Variants in LONP1 observed in about 807,000 individuals in gnomAD.
LONP1 encodes the protein lon protease homolog, mitochondrial.
Under a neutral mutation model 98.5 loss-of-function variants are expected in LONP1, and 31 were observed. That is an observed-to-expected ratio of 0.31 (90% CI 0.24 to 0.42). LONP1 has a LOEUF of 0.42. LONP1 is among the 20% of genes least tolerant of loss of function. LONP1 has a pLI of 1.00. For synonymous variants in LONP1, 781 were observed against 594.7 expected, an observed-to-expected ratio of 1.31 and a Z score of -4.56; for missense variants, 1,336 against 1,350.6, an observed-to-expected ratio of 0.99 and a Z score of 0.17.
chr19:5,695,966 G>A (rs2054919351), intron 13 of LONP1, 88 bp downstream of exon 13: 10 of 1,204,254 alleles, frequency 8.3e-6, no homozygotes, highest in Middle Eastern at 4.9e-4. Flanking sequence ...CCCGGGCCCA[G>A]GAGCTCCCAG....
At chr19:5,707,959 G>C in intron 5 of LONP1, 133 bp from the exon 6 acceptor site, 1 of 1,020,710 alleles carries the variant, frequency 9.8e-7, no homozygotes, top group Non-Finnish European at 1.4e-6. Flanking sequence ...TGCTCGCTGG[G>C]AGCCAGCTCT....
intron 8 of LONP1, 71 bp downstream of exon 8, chr19:5,705,701 C>T (rs1331819827): frequency 2.8e-6 from 4 of 1,454,420 alleles, no homozygotes; most frequent in Middle Eastern, 1.9e-4. Flanking sequence ...CGCTGGGTCC[C>T]CTGGCCTGCC....
intron 8 of LONP1, among the ~76,000 whole-genome samples, chr19:5,701,379 C>T (rs1019377739): frequency 7.2e-5 from 11 of 152,168 alleles, no homozygotes; most frequent in South Asian, 4.2e-4. Flanking sequence ...CCTCTGATGC[C>T]GAGCCGAGGC....
intron 8 of LONP1, among the ~76,000 whole-genome samples, chr19:5,701,825 C>A (rs2055050221): frequency 1.3e-5 from 2 of 151,838 alleles, no homozygotes; most frequent in African/African-American, 4.8e-5. Context: ...CTCTGCCTGG[C>A]TGCCCAGTCT....
intron 11 of LONP1, 83 bp from the exon 12 acceptor site, chr19:5,696,454 G>A (rs1156553247): frequency 1.3e-6 from 2 of 1,544,554 alleles, no homozygotes; most frequent in East Asian, 2.3e-5. Flanking sequence ...GTCAGGGCTG[G>A]GGAGACCCCG....
intron 8 of LONP1, 113 bp downstream of exon 8, chr19:5,705,659 C>G (rs963610219): frequency 2.4e-6 from 2 of 830,116 alleles, no homozygotes; most frequent in East Asian, 2.6e-5. Flanking sequence ...CAGCCCGCAC[C>G]TGCCACACCA....
chr19:5,692,943 G>A (rs901570690), intron 17 of LONP1, among the ~76,000 whole-genome samples: 24 of 152,116 alleles, frequency 1.6e-4, no homozygotes, highest in African/African-American at 5.3e-4. Context: ...ACCCTTGGAA[G>A]AGGCCAGCCC....
intron 11 of LONP1, 48 bp from the exon 12 acceptor site, chr19:5,696,419 G>A (rs1269581941): frequency 2.5e-6 from 4 of 1,597,586 alleles, no homozygotes; most frequent in South Asian, 2.2e-5. Flanking sequence ...CCCCTGGCCA[G>A]CCCGCCCAGT....
At chr19:5,699,298 T>G (rs984453559) in intron 9 of LONP1, 93 bp from the exon 10 acceptor site, 3 of 1,067,566 alleles carry the variant, frequency 2.8e-6, no homozygotes, top group African/African-American at 3.3e-5. Context: ...CTTTCAGACG[T>G]CTGAGGGCTG....
At position 5,714,310 on chromosome 19, in the gene LONP1, A is replaced by ATTTTTTTTTTT. The variant is rs769200423; in HGVS notation, c.430-40_430-39insAAAAAAAAAAA. ...GACCCCAAAGTGAAATGCAGAGTAG[A>ATTTTTTTTTTT]TTTTTTTTTTGAGACAGAGTCTCAT... is the stretch of plus-strand genomic sequence containing the variant. On this transcript the variant is annotated intron_variant, in intron 1 of 17. Transcript: ENST00000360614. 169 of 1,360,500 alleles carry ATTTTTTTTTTT rather than the reference A, an allele frequency of 1.2e-4. 1 individual carries two copies. The African/African-American group carries it at 1.7e-3, about 14-fold the overall frequency. 84.3% of individuals were successfully genotyped at this position (1,360,500 alleles called of 1,614,324 possible). A position where few individuals can be genotyped will look rare whatever the true frequency, so the allele number is the denominator to read the frequency against.
chr19:5,695,694 A>AT (rs1364390513), intron 13 of LONP1, among the ~76,000 whole-genome samples: 5 of 151,680 alleles, frequency 3.3e-5, no homozygotes, highest in Non-Finnish European at 2.9e-5. Context: ...TCCAAGCCTC[A>AT]TTCTGGGTGG....
intron 1 of LONP1, among the ~76,000 whole-genome samples, chr19:5,717,909 G>A (rs200488793): frequency 4.4e-3 from 184 of 42,186 alleles, no homozygotes; most frequent in African/African-American, 0.017. Flanking sequence ...TTTTTTTTTT[G>A]TAGAGACAGG....
rs896335677 is a variant in LONP1 at position 5,704,161 on chromosome 19, G to A, written c.1367+1611C>T. ...TGAGAGACTGACTGGAAGAGGCTGC[G>A]CTGTGGCTGTGAAGGAGGAAGGGGC... On this transcript the variant is annotated intron_variant, in intron 8 of 17. Coordinates refer to ENST00000360614, the MANE Select transcript of LONP1 (RefSeq NM_004793.4). 6.6e-5 allele frequency among the ~76,000 whole-genome samples: 10 copies of A among 152,306 alleles called. No homozygotes were observed. In the East Asian group the frequency reaches 7.7e-4, roughly 12 times the overall value.
At chr19:5,701,900 G>A (rs1481627548) in intron 8 of LONP1, among the ~76,000 whole-genome samples, 22 of 151,290 alleles carry the variant, frequency 1.5e-4, no homozygotes, top group South Asian at 4.2e-4. Flanking sequence ...CCTCTGCCCC[G>A]CCGCCCTGTC....
chr19:5,696,914 T>G (rs2054941901), intron 10 of LONP1, among the ~76,000 whole-genome samples, 157 bp from the exon 11 acceptor site: 1 of 152,178 alleles, frequency 6.6e-6, no homozygotes, highest in South Asian at 2.1e-4. Context: ...GCCGGATGTG[T>G]GGCACCTGCA....
At position 5,696,242 on chromosome 19, in the gene LONP1, C is replaced by T. The variant is rs2054926123; in HGVS notation, c.1896+7G>A. ...CAGCAAGCCCAGGCCCCAGACAGGC[C>T]CCCCACCTTGGACAAGTCCACGGGC... On this transcript the variant is annotated splice_region_variant and intron_variant, in intron 12 of 17. Transcript: ENST00000360614. The T allele has an allele frequency of 1.9e-6, 3 of 1,613,108 alleles. No individual in the cohort carries two copies. The highest frequency in any genetic ancestry group is 2.7e-5 in the African/African-American group (2 of 75,042).
Position 5,705,998 on chromosome 19 carries a change from G to A in LONP1, c.1147-6C>T. 6.2e-7 allele frequency: 1 copy of A among 1,606,788 alleles called. No individual in the cohort carries two copies. Among genetic ancestry groups the A allele is most frequent in the Non-Finnish European group, 8.5e-7 (1 of 1,176,356 alleles). On this transcript the variant is annotated splice_region_variant and splice_polypyrimidine_tract_variant and intron_variant, in intron 7 of 17. Coordinates refer to ENST00000360614, the MANE Select transcript of LONP1 (RefSeq NM_004793.4). The stretch of plus-strand genomic sequence containing the variant: ...TGCTTGATCTTCTCCTCCACCTGTG[G>A]GGTGAGGTGCTGCCATCAGGCCCTG...
rs777235917 is a variant in LONP1 at position 5,711,948 on chromosome 19, G to A, written c.693C>T (p.Asn231=). Residue 231 remains asparagine, a synonymous_variant, in exon 4 of 18, where the codon AAC becomes AAT. Coordinates refer to ENST00000360614, the MANE Select transcript of LONP1 (RefSeq NM_004793.4). ...EVEPEEPEAE[N]KHKPRRKSKR... ...TTGACTTCCTGCGGGGCTTGTGCTT[G>A]TTCTCCGCCTCCGGCTCCTCGGGCT... 6.2e-7 allele frequency: 1 copy of A among 1,613,210 alleles called. No individual in the cohort carries two copies. The highest frequency in any genetic ancestry group is 8.5e-7 in the Non-Finnish European group (1 of 1,179,756).
intron 10 of LONP1, among the ~76,000 whole-genome samples, chr19:5,697,392 C>T (rs975554602): frequency 6.6e-6 from 1 of 151,384 alleles, no homozygotes; most frequent in African/African-American, 2.4e-5. Context: ...ACGTGAGGGT[C>T]TGAGAGATGT....
Sources: gnomAD v4.1 joint callset for allele counts (sites outside exome capture counted in the v4.1 genomes callset) on GRCh38, gnomAD v4.1.1 for gene constraint, MANE v1.5 for transcripts, NCBI Gene and HGNC (gene_info 2026-07-23, HGNC 2026-07-21) for gene names.